Variants in MYT1 observed in about 807,000 individuals in gnomAD.
MYT1 encodes myelin transcription factor 1.
Under a neutral mutation model 123.0 loss-of-function variants are expected in MYT1, and 23 were observed. That is an observed-to-expected ratio of 0.19 (90% CI 0.13 to 0.26). The LOEUF (loss-of-function observed/expected upper bound fraction) is 0.26. MYT1 is among the 10% of genes least tolerant of loss of function. The pLI, the probability that MYT1 is intolerant of heterozygous loss-of-function variation, is 1.00. For synonymous variants in MYT1, 518 were observed against 575.3 expected (o/e 0.90, Z 1.43); for missense variants, 1,125 against 1,472.5 (o/e 0.76, Z 3.86).
Position 64,205,559 on chromosome 20 carries a change from G to C in MYT1, c.156G>C (p.Gln52His), listed in dbSNP as rs142931701. ...GCCTACTCCTCCCTCCCAGTTTACA[G>C]AGCTGCCCCCTGGCCAAGAAGAGGA... ...RGKYSRHRSL[Q>H]SCPLAKKRKL... The change falls in exon 6 of 23, where the codon CAG becomes CAC. Residue 52 changes from glutamine to histidine, a missense_variant. Gln to His is a conservative substitution (Grantham distance 24). This residue lies in a region of MYT1 where 406 missense variants were observed against 432.2 expected (regional missense o/e 0.94). Coordinates refer to ENST00000328439, the MANE Select transcript of MYT1 (RefSeq NM_004535.3). 101 of 1,614,034 alleles carry C rather than the reference G, an allele frequency of 6.3e-5. No individual in the cohort carries two copies. In the African/African-American group the frequency reaches 1.2e-3, roughly 19 times the overall value.
At position 64,202,325 on chromosome 20, in the gene MYT1, C is replaced by T. The variant is rs924711799; in HGVS notation, c.86+2403C>T. ...AGCAGTTTGATGGTTTTTCCTTTCA[C>T]CCCATCGGGAGAACTGATGACGTTT... On this transcript the variant is annotated intron_variant, in intron 4 of 22. Transcript: ENST00000328439. The surrounding 1 kb of genome is among the most constrained non-coding windows in gnomAD (Gnocchi z 5.0). 2.6e-5 allele frequency among the ~76,000 whole-genome samples: 4 copies of T among 152,198 alleles called. No individual in the cohort carries two copies. The highest frequency in any genetic ancestry group is 9.7e-5 in the African/African-American group (4 of 41,450).
At chr20:64,194,342 A>G (rs1362938976) in intron 2 of MYT1, among the ~76,000 whole-genome samples, 3 of 152,172 alleles carry the variant, frequency 2.0e-5, no homozygotes, top group African/African-American at 7.2e-5. Context: ...TCACTGATCC[A>G]TTCACCCTCC....
Position 64,212,176 on chromosome 20 carries a change from TGGGGGCCGTGGTGGGGGCC to T in MYT1, c.1517+39_1517+57del. The T allele has an allele frequency of 1.2e-6, 1 of 824,512 alleles. No homozygotes were observed. The highest frequency in any genetic ancestry group is 1.7e-5 in the South Asian group (1 of 57,368). 51.1% of individuals were successfully genotyped at this position (824,512 alleles called of 1,614,324 possible). ...AGCTGGGCCGTAGTGGGGGCCAGGG[TGGGGGCCGTGGTGGGGGCC>T]AGGGTGGGGGCCGTGGTGGGGGCCA... is the stretch of plus-strand genomic sequence containing the variant. On this transcript the variant is annotated intron_variant, in intron 9 of 22. Coordinates refer to ENST00000328439, the MANE Select transcript of MYT1 (RefSeq NM_004535.3). This position sits in a 1 kb window ranked among gnomAD's most constrained non-coding sequence, Gnocchi z 6.8.
chr20:64,173,163 G>A (rs1030636767), intron 1 of MYT1, among the ~76,000 whole-genome samples: 11 of 152,064 alleles, frequency 7.2e-5, no homozygotes, highest in African/African-American at 2.7e-4. Flanking sequence ...AGGCAGGCGA[G>A]TCCAGTTGTG....
intron 11 of MYT1, among the ~76,000 whole-genome samples, chr20:64,217,789 C>T (rs1392964156): frequency 6.6e-6 from 1 of 152,222 alleles, no homozygotes; most frequent in African/African-American, 2.4e-5. Context: ...CTGGTGGGGA[C>T]CATCTTACTG....
intron 21 of MYT1, 152 bp from the exon 22 acceptor site, chr20:64,239,608 C>T (rs181306042): frequency 2.8e-6 from 3 of 1,088,610 alleles, no homozygotes; most frequent in South Asian, 3.2e-5. Flanking sequence ...TCACCTGTGG[C>T]AGAACCCCCT....
At chr20:64,187,765 A>C (rs1330731705) in intron 1 of MYT1, among the ~76,000 whole-genome samples, 1 of 152,184 alleles carries the variant, frequency 6.6e-6, no homozygotes, top group Non-Finnish European at 1.5e-5. Flanking sequence ...GACATTTCCT[A>C]GGAGAGGGAG....
chr20:64,190,416 G>A lies in MYT1; in HGVS notation c.-1+256G>A, dbSNP rs1184531592. 1.3e-5 allele frequency among the ~76,000 whole-genome samples: 2 copies of A among 152,150 alleles called. No homozygotes were observed. Among genetic ancestry groups the A allele is most frequent in the Admixed American group, 6.5e-5 (1 of 15,272 alleles). ...AGGCTGGGCCCGGTGGCTCACACCTGTAATCCCAGCACTTTGGGAGGCTGA... is the reference window on the plus strand; with the variant it reads ...AGGCTGGGCCCGGTGGCTCACACCTATAATCCCAGCACTTTGGGAGGCTGA... On this transcript the variant is annotated intron_variant, in intron 2 of 22. Transcript: ENST00000328439. This position sits in a 1 kb window ranked among gnomAD's most constrained non-coding sequence, Gnocchi z 4.1.
Position 64,205,086 on chromosome 20 carries a change from C to T in MYT1, c.138C>T (p.Ser46=), listed in dbSNP as rs1440928055. The T allele has an allele frequency of 6.2e-7, 1 of 1,613,956 alleles. No homozygotes were observed. The highest frequency in any genetic ancestry group is 8.5e-7 in the Non-Finnish European group (1 of 1,180,030). ...TGSGHVRGKY[S]RHRSLQSCPL... ...CAGGGCACGTCCGGGGCAAGTACTC[C>T]AGGCACCGAAGGTAAGAGGACCCTT... is the stretch of plus-strand genomic sequence containing the variant. The change falls in exon 5 of 23, where the codon TCC becomes TCT. Residue 46 remains serine, a synonymous_variant. Coordinates refer to ENST00000328439, the MANE Select transcript of MYT1 (RefSeq NM_004535.3).
At chr20:64,222,174 G>C in intron 14 of MYT1, 127 bp downstream of exon 14, 1 of 1,007,404 alleles carries the variant, frequency 9.9e-7, no homozygotes, top group East Asian at 2.5e-5. Context: ...TGACCACCTC[G>C]AGCCAGGCAG....
chr20:64,215,999 G>C (rs562318585), intron 10 of MYT1, among the ~76,000 whole-genome samples: 17 of 152,102 alleles, frequency 1.1e-4, no homozygotes, highest in African/African-American at 3.9e-4. Flanking sequence ...ACCCTTCCTG[G>C]AGAAGGAGAA....
rs1476996470 is a variant in MYT1, at chr20:64,211,085, T to C, written c.1292-121T>C. The C allele has an allele frequency of 3.6e-6, 4 of 1,111,884 alleles. No individual in the cohort carries two copies. In the African/African-American group the frequency reaches 6.2e-5, roughly 17 times the overall value. 68.9% of individuals were successfully genotyped at this position (1,111,884 alleles called of 1,614,324 possible). ...CAGCCCCAGTCCCTGTTCAAGCTCATGGGCAGTCTCGCCTCCCTTCTCTCT... is the reference window on the plus strand; with the variant it reads ...CAGCCCCAGTCCCTGTTCAAGCTCACGGGCAGTCTCGCCTCCCTTCTCTCT... On this transcript the variant is annotated intron_variant, in intron 7 of 22. Coordinates refer to ENST00000328439, the MANE Select transcript of MYT1 (RefSeq NM_004535.3).
rs1353396179 is a variant in MYT1 at position 64,190,557 on chromosome 20, C to T, written c.-1+397C>T. Among the ~76,000 whole-genome samples, 1 of 145,170 alleles carries T rather than the reference C, an allele frequency of 6.9e-6. No individual in the cohort carries two copies. The highest frequency in any genetic ancestry group is 2.6e-5 in the African/African-American group (1 of 38,548). On this transcript the variant is annotated intron_variant, in intron 2 of 22. Coordinates refer to ENST00000328439, the MANE Select transcript of MYT1 (RefSeq NM_004535.3). The surrounding 1 kb of genome is among the most constrained non-coding windows in gnomAD (Gnocchi z 4.1). ...GGCATGGTGGCATGCGCCTGTAATC[C>T]CAGCTATTTGGGGGAGGATCCCAGC...
intron 1 of MYT1, among the ~76,000 whole-genome samples, chr20:64,178,587 G>GGGA (rs1982542864): frequency 1.1e-4 from 16 of 148,794 alleles, no homozygotes; most frequent in East Asian, 2.0e-4. Context: ...CCTTCAACGT[G>GGGA]GCAGCACTGA....
At position 64,219,799 on chromosome 20, in the gene MYT1, C is replaced by G; in HGVS notation, c.2058C>G (p.Ser686Arg). Residue 686 changes from serine (S) to arginine (R), a missense_variant, in exon 13 of 23, where the codon AGC becomes AGG. Coordinates refer to ENST00000328439, the MANE Select transcript of MYT1 (RefSeq NM_004535.3). The part of the protein sequence containing the change: ...HRKRENAFPS[S>R]SSCSSSPGVK... ...AACGAGAAAATGCTTTCCCCAGCAG[C>G]AGCAGCTGCAGCAGCAGCCCCGGTG... 1 of 1,613,964 alleles carries G rather than the reference C, an allele frequency of 6.2e-7. No individual in the cohort carries two copies. Among genetic ancestry groups the G allele is most frequent in the African/African-American group, 1.3e-5 (1 of 75,056 alleles).
intron 14 of MYT1, 66 bp from the exon 15 acceptor site, chr20:64,223,045 G>C: frequency 6.3e-7 from 1 of 1,588,224 alleles, no homozygotes; most frequent in South Asian, 1.1e-5. Context: ...CCCTCGCAGA[G>C]CAGGCTCAGC....
chr20:64,170,884 T>TATAGAGAGAG (rs1569303821), intron 1 of MYT1, among the ~76,000 whole-genome samples: 3 of 20,010 alleles, frequency 1.5e-4, no homozygotes, highest in Admixed American at 1.1e-3. Context: ...TATATATATA[T>TATAGAGAGAG]AGAGAGAGAG....
chr20:64,222,132 C>T, intron 14 of MYT1, 85 bp downstream of exon 14: 2 of 1,500,714 alleles, frequency 1.3e-6, no homozygotes, highest in Non-Finnish European at 1.8e-6. Context: ...CCCATGACGA[C>T]CGGGTCTGCT....
rs746462187 is a variant in MYT1, at chr20:64,207,683, A to T, written c.487A>T (p.Ile163Phe). The T allele has an allele frequency of 6.2e-7, 1 of 1,614,084 alleles. No individual in the cohort carries two copies. The highest frequency in any genetic ancestry group is 8.5e-7 in the Non-Finnish European group (1 of 1,180,020). The change falls in exon 7 of 23, where the codon ATC becomes TTC. Residue 163 changes from isoleucine (I) to phenylalanine (F), a missense_variant. This residue lies in a region of MYT1 where 406 missense variants were observed against 432.2 expected (regional missense o/e 0.94). Coordinates refer to ENST00000328439, the MANE Select transcript of MYT1 (RefSeq NM_004535.3). ...GGGCAGCTACAGCAGCTACCAGGGAATCATCGCAACTTCTCTCCTGAACTT... is the reference window on the plus strand; with the variant it reads ...GGGCAGCTACAGCAGCTACCAGGGATTCATCGCAACTTCTCTCCTGAACTT... ...SKGSYSSYQG[I>F]IATSLLNLGQ... is the part of the protein sequence containing the mutation.
Sources: gnomAD v4.1 joint callset for allele counts (sites outside exome capture counted in the v4.1 genomes callset) on GRCh38, gnomAD v4.1.1 for gene constraint, gnomAD v4.1.1 regional missense constraint, Gnocchi (gnomAD v3.1) non-coding constraint, MANE v1.5 for transcripts, NCBI Gene and HGNC (gene_info 2026-07-23, HGNC 2026-07-21) for gene names.